The following SYNJ2BP variants were observed in gnomAD, a reference collection of about 807,000 sequenced individuals.
The protein encoded by SYNJ2BP is synaptojanin 2 binding protein, also known as synaptojanin-2-binding protein.
SYNJ2BP carries 10 observed loss-of-function variants against 16.9 expected under a neutral mutation model. The ratio of observed to expected loss-of-function variants is 0.59; its 90% CI spans 0.36 to 1.00. The LOEUF (loss-of-function observed/expected upper bound fraction) is 1.00. SYNJ2BP is among the 50% of genes least tolerant of loss of function. The probability of loss-of-function intolerance (pLI) is 0.01; values close to 1 mark genes in which losing one functional copy is unlikely to be tolerated. For missense variants in SYNJ2BP, 162 were observed against 186.7 expected (o/e 0.87, Z 0.77); for synonymous variants, 54 against 68.4 (o/e 0.79, Z 1.04).
At chr14:70,383,622 A>T (rs1166538328) in intron 2 of SYNJ2BP, among the ~76,000 whole-genome samples, 1 of 152,220 alleles carries the variant, frequency 6.6e-6, no homozygotes, top group Non-Finnish European at 1.5e-5. Flanking sequence ...ATGTTCACTG[A>T]GGAATGACTA....
At chr14:70,375,386 G>T (rs1413688331) in intron 3 of SYNJ2BP, among the ~76,000 whole-genome samples, 1 of 151,636 alleles carries the variant, frequency 6.6e-6, no homozygotes, top group Non-Finnish European at 1.5e-5. Flanking sequence ...TTTTAGTAGA[G>T]ATGAGGTTTT....
At chr14:70,380,733 T>A (rs1887731501) in intron 2 of SYNJ2BP, among the ~76,000 whole-genome samples, 1 of 152,026 alleles carries the variant, frequency 6.6e-6, no homozygotes, top group Non-Finnish European at 1.5e-5. Flanking sequence ...CATTTGTATA[T>A]ACAGAAGTAG....
At chr14:70,405,584 C>T (rs1471568653) in intron 1 of SYNJ2BP, among the ~76,000 whole-genome samples, 2 of 151,994 alleles carry the variant, frequency 1.3e-5, no homozygotes, top group Non-Finnish European at 2.9e-5. Context: ...TGATGCAAGG[C>T]CAGACTCAAA....
intron 1 of SYNJ2BP, among the ~76,000 whole-genome samples, chr14:70,396,821 C>A (rs900309204): frequency 6.6e-6 from 1 of 152,072 alleles, no homozygotes; most frequent in Admixed American, 6.5e-5. Flanking sequence ...GTCCTTTGCT[C>A]ATTTTTGAAT....
intron 2 of SYNJ2BP, among the ~76,000 whole-genome samples, chr14:70,382,158 C>T (rs989872477): frequency 6.6e-6 from 1 of 152,144 alleles, no homozygotes; most frequent in South Asian, 2.1e-4. Context: ...ATGGAGTGAA[C>T]CCGGGAGGCA....
intron 2 of SYNJ2BP, among the ~76,000 whole-genome samples, chr14:70,384,188 C>T (rs2140826193): frequency 6.6e-6 from 1 of 152,212 alleles, no homozygotes; most frequent in African/African-American, 2.4e-5. Context: ...AGGAAATTTA[C>T]ATGTCACATA....
At chr14:70,386,484 G>A (rs1417356662) in intron 2 of SYNJ2BP, among the ~76,000 whole-genome samples, 1 of 152,194 alleles carries the variant, frequency 6.6e-6, no homozygotes, top group African/African-American at 2.4e-5. Context: ...ACATTCTTGA[G>A]CTAATTTAGG....
chr14:70,389,666 C>T (rs1044145212), intron 1 of SYNJ2BP, among the ~76,000 whole-genome samples: 1 of 152,180 alleles, frequency 6.6e-6, no homozygotes, highest in Non-Finnish European at 1.5e-5. Context: ...TGCAATGCTT[C>T]AATGAGCATT....
At chr14:70,382,783 A>C (rs1270187623) in intron 2 of SYNJ2BP, among the ~76,000 whole-genome samples, 1 of 152,232 alleles carries the variant, frequency 6.6e-6, no homozygotes, top group East Asian at 1.9e-4. Flanking sequence ...CTGATGAGGA[A>C]ACATACTTTT....
intron 1 of SYNJ2BP, among the ~76,000 whole-genome samples, chr14:70,409,433 G>A (rs1888421093): frequency 6.6e-6 from 1 of 152,202 alleles, no homozygotes; most frequent in Non-Finnish European, 1.5e-5. Flanking sequence ...CTTATCACAT[G>A]TAATCATTGA....
intron 1 of SYNJ2BP, among the ~76,000 whole-genome samples, chr14:70,404,103 C>T (rs1888297612): frequency 6.6e-6 from 1 of 151,964 alleles, no homozygotes; most frequent in Non-Finnish European, 1.5e-5. Context: ...TGGTAGCTAA[C>T]ATCCATAAGG....
chr14:70,391,667 C>T (rs1887982635), intron 1 of SYNJ2BP, among the ~76,000 whole-genome samples: 1 of 151,834 alleles, frequency 6.6e-6, no homozygotes, highest in South Asian at 2.1e-4. Flanking sequence ...CAGCTGAATG[C>T]AATGTAGTAG....
chr14:70,391,803 G>A (rs955160540), intron 1 of SYNJ2BP, among the ~76,000 whole-genome samples: 4 of 152,030 alleles, frequency 2.6e-5, no homozygotes, highest in Admixed American at 6.5e-5. Context: ...ACACCCCATC[G>A]AAGTCATATT....
intron 1 of SYNJ2BP, among the ~76,000 whole-genome samples, chr14:70,414,547 T>G (rs763815162): frequency 1.3e-5 from 2 of 152,206 alleles, no homozygotes; most frequent in African/African-American, 4.8e-5. Context: ...TAAAAAGATT[T>G]CATCTTTAGA....
chr14:70,388,472 A>C lies in SYNJ2BP; in HGVS notation c.199T>G (p.Ser67Ala). 1.3e-6 allele frequency: 2 copies of C among 1,565,256 alleles called. No individual in the cohort carries two copies. Among genetic ancestry groups the C allele is most frequent in the Non-Finnish European group, 1.7e-6 (2 of 1,157,612 alleles). The stretch of plus-strand genomic sequence containing the variant: ...AGGAGGCCGAAGCCCATTCTCACCG[A>C]AAGGATCTTATCACCCTCCTGGAGC... ...GRLQEGDKIL[S>A]VNGQDLKNLL... The change falls in exon 2 of 4, where the codon TCG becomes GCG. Residue 67 changes from serine (S) to alanine (A), a missense_variant and splice_region_variant. Transcript: ENST00000256366.
intron 1 of SYNJ2BP, among the ~76,000 whole-genome samples, chr14:70,415,781 TAGAG>T (rs1163354111): frequency 6.6e-6 from 1 of 152,156 alleles, no homozygotes; most frequent in Non-Finnish European, 1.5e-5. Flanking sequence ...GATGATTTAT[TAGAG>T]ACTCTTGGAA....
chr14:70,414,525 T>C (rs1048961407), intron 1 of SYNJ2BP, among the ~76,000 whole-genome samples: 17 of 152,198 alleles, frequency 1.1e-4, no homozygotes, highest in Non-Finnish European at 2.2e-4. Context: ...GAAGTGATAT[T>C]ATACTGAATT....
At chr14:70,396,594 GTGTA>G (rs1248591753) in intron 1 of SYNJ2BP, among the ~76,000 whole-genome samples, 3 of 133,472 alleles carry the variant, frequency 2.2e-5, no homozygotes, top group African/African-American at 5.6e-5. Flanking sequence ...GTATGTATGT[GTGTA>G]TATGTATGTA....
chr14:70,410,181 G>A (rs1048494706), intron 1 of SYNJ2BP, among the ~76,000 whole-genome samples: 3 of 152,240 alleles, frequency 2.0e-5, no homozygotes, highest in African/African-American at 4.8e-5. Context: ...TTAGGAGGCC[G>A]AGGTGGGTGA....
Sources: allele counts gnomAD v4.1 joint callset (sites outside exome capture counted in the v4.1 genomes callset), GRCh38; gene constraint gnomAD v4.1.1; transcripts MANE v1.5; gene names NCBI Gene and HGNC (gene_info 2026-07-23, HGNC 2026-07-21).